TCERG1L: variants seen among roughly 807,000 people sequenced by gnomAD.
The protein encoded by TCERG1L is transcription elongation regulator 1-like protein.
A neutral mutation model predicts 56.3 loss-of-function variants in TCERG1L; 37 were observed. The observed-to-expected ratio is 0.66, with a 90% CI of 0.51 to 0.87. The LOEUF is 0.87. Ranked by LOEUF, TCERG1L falls within the 40% of genes least tolerant of loss-of-function variation. The probability of loss-of-function intolerance (pLI) is 0.00; values close to 1 mark genes in which losing one functional copy is unlikely to be tolerated. For synonymous variants in TCERG1L, 324 were observed against 326.3 expected (o/e 0.99, Z 0.08); for missense variants, 799 against 774.2 (o/e 1.03, Z -0.38).
At chr10:131,275,704 C>A (rs1013770929) in intron 3 of TCERG1L, among the ~76,000 whole-genome samples, 1 of 152,122 alleles carries the variant, frequency 6.6e-6, no homozygotes, top group Non-Finnish European at 1.5e-5. Context: ...CCCATCTATA[C>A]CCCAAAAACT....
intron 5 of TCERG1L, among the ~76,000 whole-genome samples, chr10:131,165,782 C>T (rs959014366): frequency 6.6e-6 from 1 of 152,142 alleles, no homozygotes; most frequent in South Asian, 2.1e-4. Context: ...TGCTACTTAC[C>T]GAGGTCTTCT....
chr10:131,146,386 G>T, intron 7 of TCERG1L, 120 bp downstream of exon 7: 1 of 1,162,090 alleles, frequency 8.6e-7, no homozygotes, highest in East Asian at 2.5e-5. Context: ...TCGGGCACAG[G>T]ATTCCTTAAT....
At chr10:131,182,086 T>C (rs1356973383) in intron 4 of TCERG1L, among the ~76,000 whole-genome samples, 1 of 152,124 alleles carries the variant, frequency 6.6e-6, no homozygotes, top group African/African-American at 2.4e-5. Flanking sequence ...TGCATATGTG[T>C]GCACATAGCA....
intron 4 of TCERG1L, among the ~76,000 whole-genome samples, chr10:131,254,683 G>A (rs1019262788): frequency 2.0e-5 from 3 of 152,158 alleles, no homozygotes; most frequent in East Asian, 1.9e-4. Flanking sequence ...GGAGGAGGAC[G>A]GCAGTGCCGA....
At position 131,267,552 on chromosome 10, in the gene TCERG1L, C is replaced by T. The variant is rs1011620967; in HGVS notation, c.671-7108G>A. ...TGCCCTTCTCTGCGTCTCCCTCTGC[C>T]GCAGTGGTGGCCCTTGCACAAGTGA... On this transcript the variant is annotated intron_variant, in intron 3 of 11. Transcript: ENST00000368642. This position sits in a 1 kb window ranked among gnomAD's most constrained non-coding sequence, Gnocchi z 4.9. Among the ~76,000 whole-genome samples, 8 of 152,178 alleles carry T rather than the reference C, an allele frequency of 5.3e-5. No homozygotes were observed. Among genetic ancestry groups the T allele is most frequent in the African/African-American group, 7.2e-5 (3 of 41,432 alleles).
rs556260687 is a variant in TCERG1L at position 131,233,157 on chromosome 10, C to T, written c.856+27102G>A. Among the ~76,000 whole-genome samples the T allele has an allele frequency of 7.2e-5, 11 of 152,222 alleles. No individual in the cohort carries two copies. The South Asian group carries it at 2.1e-3, about 29-fold the overall frequency. On this transcript the variant is annotated intron_variant, in intron 4 of 11. Coordinates refer to ENST00000368642, the MANE Select transcript of TCERG1L (RefSeq NM_174937.4). ...AGGTGACTTTTTCTATTAACGTGTCCGCAGCTCTTCTTACCACACCTGTTT... is the reference window on the plus strand; with the variant it reads ...AGGTGACTTTTTCTATTAACGTGTCTGCAGCTCTTCTTACCACACCTGTTT...
chr10:131,257,035 A>G (rs1241665248), intron 4 of TCERG1L, among the ~76,000 whole-genome samples: 2 of 150,004 alleles, frequency 1.3e-5, no homozygotes, highest in East Asian at 3.9e-4. Context: ...GAAAGAAAGA[A>G]AGAAAGAAAG....
At chr10:131,214,323 A>ATGCTCC (rs74452621) in intron 4 of TCERG1L, among the ~76,000 whole-genome samples, 9,875 of 151,978 alleles carry the variant, frequency 0.065, 445 homozygotes, top group East Asian at 0.17. Flanking sequence ...TGGGCCACAC[A>ATGCTCC]TGCTCCTGGC....
rs139483331 is a variant in TCERG1L at position 131,155,410 on chromosome 10, A to T, written c.1034+7712T>A. ...AGCTCTGCCCAGCCTTGCAGCACAGACACAAGTCCCCGGAGGCTTGCCGGG... is the reference window on the plus strand; with the variant it reads ...AGCTCTGCCCAGCCTTGCAGCACAGTCACAAGTCCCCGGAGGCTTGCCGGG... On this transcript the variant is annotated intron_variant, in intron 6 of 11. Coordinates refer to ENST00000368642, the MANE Select transcript of TCERG1L (RefSeq NM_174937.4). Among the ~76,000 whole-genome samples, 1,497 of 152,334 alleles carry T rather than the reference A, an allele frequency of 9.8e-3. 23 individuals carry two copies. Among genetic ancestry groups the T allele is most frequent in the African/African-American group, 0.033 (1,385 of 41,570 alleles).
intron 4 of TCERG1L, among the ~76,000 whole-genome samples, chr10:131,218,004 G>A (rs960524177): frequency 2.0e-5 from 3 of 152,140 alleles, no homozygotes; most frequent in Non-Finnish European, 4.4e-5. Flanking sequence ...GATTACCGGC[G>A]TGAGCCAACG....
intron 6 of TCERG1L, among the ~76,000 whole-genome samples, chr10:131,149,954 C>T (rs11017761): frequency 0.2 from 30,751 of 152,138 alleles, 3,479 homozygotes; most frequent in East Asian, 0.35. Context: ...GAAAGGCAGC[C>T]CCAAGCCTGA....
intron 7 of TCERG1L, among the ~76,000 whole-genome samples, chr10:131,142,053 C>T (rs1292208379): frequency 6.6e-6 from 1 of 152,266 alleles, no homozygotes; most frequent in Non-Finnish European, 1.5e-5. Flanking sequence ...TTCACCTTGG[C>T]ATCACGTTAC....
At chr10:131,133,203 C>T (rs1845637740) in intron 8 of TCERG1L, among the ~76,000 whole-genome samples, 1 of 152,278 alleles carries the variant, frequency 6.6e-6, no homozygotes, top group Non-Finnish European at 1.5e-5. Flanking sequence ...TCCCTCTTCC[C>T]CTCTCTTCCT....
intron 10 of TCERG1L, among the ~76,000 whole-genome samples, chr10:131,102,442 G>A (rs1018348426): frequency 1.4e-4 from 22 of 152,158 alleles, no homozygotes; most frequent in African/African-American, 5.1e-4. Context: ...CTGTGGGTTC[G>A]TGCTTCACTG....
intron 9 of TCERG1L, among the ~76,000 whole-genome samples, chr10:131,109,895 C>T (rs1045174041): frequency 1.3e-5 from 2 of 152,246 alleles, no homozygotes; most frequent in African/African-American, 2.4e-5. Flanking sequence ...GCAGAGGAGG[C>T]GGTGTGGATG....
intron 4 of TCERG1L, among the ~76,000 whole-genome samples, chr10:131,200,269 G>A (rs1489678933): frequency 6.6e-6 from 1 of 152,186 alleles, no homozygotes; most frequent in Non-Finnish European, 1.5e-5. Flanking sequence ...AACGAGCTGA[G>A]GCTGGGTATT....
chr10:131,261,995 C>T (rs1400219955), intron 3 of TCERG1L, among the ~76,000 whole-genome samples: 1 of 152,212 alleles, frequency 6.6e-6, no homozygotes, highest in Non-Finnish European at 1.5e-5. Flanking sequence ...CTGTGTGGTG[C>T]CTTCCAGGAG....
intron 4 of TCERG1L, among the ~76,000 whole-genome samples, chr10:131,223,332 C>T (rs888231108): frequency 6.6e-6 from 1 of 152,190 alleles, no homozygotes; most frequent in African/African-American, 2.4e-5. Context: ...TGGATGGGAC[C>T]GCATGCTCCG....
intron 9 of TCERG1L, among the ~76,000 whole-genome samples, chr10:131,109,388 A>ACGTGGCCGTGTCTGTGAC (rs1185903342): frequency 1.3e-5 from 2 of 151,950 alleles, no homozygotes; most frequent in African/African-American, 2.4e-5. Context: ...CCTGTGGATG[A>ACGTGGCCGTGTCTGTGAC]CGTGGCCGTG....
Sources: gnomAD v4.1 joint callset for allele counts (sites outside exome capture counted in the v4.1 genomes callset) on GRCh38, gnomAD v4.1.1 for gene constraint, Gnocchi (gnomAD v3.1) non-coding constraint, MANE v1.5 for transcripts, NCBI Gene and HGNC (gene_info 2026-07-23, HGNC 2026-07-21) for gene names.